Variants in KCNIP1 observed in about 807,000 individuals in gnomAD.
KCNIP1 encodes A-type potassium channel modulatory protein KCNIP1.
Under a neutral mutation model 33.0 loss-of-function variants are expected in KCNIP1, and 18 were observed. The observed-to-expected ratio is 0.55, with a 90% CI of 0.38 to 0.81. The LOEUF is 0.81. Among genes scored for constraint, KCNIP1 ranks in the 30% least tolerant of loss-of-function variants. KCNIP1 has a pLI of 0.00. For missense variants in KCNIP1, 238 were observed against 271.6 expected, an observed-to-expected ratio of 0.88 and a Z score of 0.87; for synonymous variants, 93 against 98.3, an observed-to-expected ratio of 0.95 and a Z score of 0.32.
chr5:170,530,352 CT>C (rs1755743392), intron 1 of KCNIP1, among the ~76,000 whole-genome samples: 1 of 152,188 alleles, frequency 6.6e-6, no homozygotes, highest in Admixed American at 6.5e-5. Context: ...GTAACTGCTC[CT>C]TTTAGTCCTC....
chr5:170,472,012 C>G (rs1175715187), intron 1 of KCNIP1, among the ~76,000 whole-genome samples: 1 of 152,134 alleles, frequency 6.6e-6, no homozygotes, highest in African/African-American at 2.4e-5. Flanking sequence ...CCTGCAGGAG[C>G]TGGGTTTGGG....
rs187186655 is a variant in KCNIP1, at chr5:170,457,374, C to G, written c.88+103410C>G. On this transcript the variant is annotated intron_variant, in intron 1 of 7. Coordinates refer to the KCNIP1 transcript ENST00000377360. The stretch of plus-strand genomic sequence containing the variant: ...ACGGAGAGGCCCTGGAGGGGCATAA[C>G]GACTGCAGGAATAAATTAGGAGAGC... 3.3e-5 allele frequency among the ~76,000 whole-genome samples: 5 copies of G among 152,234 alleles called. No homozygotes were observed. In the East Asian group the frequency reaches 9.6e-4, roughly 29 times the overall value.
intron 1 of KCNIP1, among the ~76,000 whole-genome samples, chr5:170,713,860 A>T (rs1184049649): frequency 5.3e-5 from 8 of 151,904 alleles, no homozygotes; most frequent in Non-Finnish European, 1.0e-4. Context: ...CGTTTCTACT[A>T]AAAATAAAAA....
At chr5:170,682,784 C>CTTTTTTTTTTTTTTTGTTTTT (rs1762397637) in intron 1 of KCNIP1, among the ~76,000 whole-genome samples, 1 of 71,404 alleles carries the variant, frequency 1.4e-5, no homozygotes, top group Non-Finnish European at 2.4e-5. Context: ...TTCTTTGTTT[C>CTTTTTTTTTTTTTTTGTTTTT]TTTTTTTTTT....
chr5:170,662,846 T>G (rs1411099890), intron 1 of KCNIP1, among the ~76,000 whole-genome samples: 2 of 152,218 alleles, frequency 1.3e-5, no homozygotes, highest in Non-Finnish European at 2.9e-5. Context: ...CCCTCACATA[T>G]TCTTCAAGAT....
At position 170,432,400 on chromosome 5, in the gene KCNIP1, A is replaced by G. The variant is rs377633544; in HGVS notation, c.88+78436A>G. ...TGGCACCTAACCTAATCCTTAGTTA[A>G]TTAATATTTATTGAGCAAATCATCT... On this transcript the variant is annotated intron_variant, in intron 1 of 7. Transcript: ENST00000377360. Among the ~76,000 whole-genome samples, 6 of 152,366 alleles carry G rather than the reference A, an allele frequency of 3.9e-5. No individual in the cohort carries two copies. The East Asian group carries it at 1.2e-3, about 29-fold the overall frequency.
At chr5:170,520,595 G>A (rs1352243175) in intron 1 of KCNIP1, among the ~76,000 whole-genome samples, 7 of 89,524 alleles carry the variant, frequency 7.8e-5, no homozygotes, top group Non-Finnish European at 2.0e-5. Context: ...AAACTTTAGG[G>A]GAATGCATTA....
chr5:170,573,193 C>T (rs890056487), intron 1 of KCNIP1, among the ~76,000 whole-genome samples: 1 of 152,212 alleles, frequency 6.6e-6, no homozygotes, highest in Non-Finnish European at 1.5e-5. Context: ...TACTACAAGG[C>T]TTCTGTGGAC....
intron 6 of KCNIP1, among the ~76,000 whole-genome samples, chr5:170,733,455 A>C (rs977158806): frequency 6.6e-6 from 1 of 152,246 alleles, no homozygotes; most frequent in Non-Finnish European, 1.5e-5. Flanking sequence ...GGGAAAAGAG[A>C]GTCCTCTCTG....
At chr5:170,536,585 C>G (rs959676863) in intron 1 of KCNIP1, among the ~76,000 whole-genome samples, 4 of 152,142 alleles carry the variant, frequency 2.6e-5, no homozygotes, top group African/African-American at 9.7e-5. Flanking sequence ...GTTACCAGCC[C>G]AGGTCTCAGT....
chr5:170,443,310 G>A (rs10516075), intron 1 of KCNIP1, among the ~76,000 whole-genome samples: 49,830 of 146,192 alleles, frequency 0.34, 8,472 homozygotes, highest in African/African-American at 0.41. Flanking sequence ...TTTATTACAC[G>A]TTCGGTGAAC....
chr5:170,671,784 G>T (rs1761933651), intron 1 of KCNIP1, among the ~76,000 whole-genome samples: 1 of 152,170 alleles, frequency 6.6e-6, no homozygotes, highest in Non-Finnish European at 1.5e-5. Flanking sequence ...GGCTCTTTCT[G>T]TACTACTACA....
At chr5:170,471,667 G>C (rs540354825) in intron 1 of KCNIP1, among the ~76,000 whole-genome samples, 1 of 152,270 alleles carries the variant, frequency 6.6e-6, no homozygotes, top group African/African-American at 2.4e-5. Flanking sequence ...AGCGGGCCAG[G>C]TGCTGAACTG....
At chr5:170,487,647 G>A (rs1338578035) in intron 1 of KCNIP1, among the ~76,000 whole-genome samples, 4 of 151,364 alleles carry the variant, frequency 2.6e-5, no homozygotes, top group East Asian at 1.9e-4. Flanking sequence ...TCAGCCCCTC[G>A]AGTAGCTGGA....
At chr5:170,614,997 C>T (rs1471709428) in intron 1 of KCNIP1, among the ~76,000 whole-genome samples, 1 of 152,178 alleles carries the variant, frequency 6.6e-6, no homozygotes, top group Non-Finnish European at 1.5e-5. Flanking sequence ...GGGTGAATCA[C>T]CTGAGGTCAG....
chr5:170,731,932 G>A (rs1157603534), intron 5 of KCNIP1, among the ~76,000 whole-genome samples: 1 of 136,970 alleles, frequency 7.3e-6, no homozygotes, highest in East Asian at 2.2e-4. Context: ...AATAAGCCCT[G>A]TAGTTTAGTT....
At chr5:170,624,311 G>A (rs1055017273) in intron 1 of KCNIP1, among the ~76,000 whole-genome samples, 3 of 152,154 alleles carry the variant, frequency 2.0e-5, no homozygotes, top group Admixed American at 6.5e-5. Context: ...AAAAGGAACA[G>A]TCTCTGATCT....
intron 1 of KCNIP1, among the ~76,000 whole-genome samples, chr5:170,370,426 T>C (rs1370309118): frequency 6.6e-6 from 1 of 152,172 alleles, no homozygotes; most frequent in South Asian, 2.1e-4. Context: ...CAAGGCAGAT[T>C]CAAACTCTTG....
upstream of KCNIP1, among the ~76,000 whole-genome samples, chr5:170,502,390 A>G (rs1162692030): frequency 6.6e-6 from 1 of 152,148 alleles, no homozygotes; most frequent in Non-Finnish European, 1.5e-5. Flanking sequence ...CCCTGAGGGG[A>G]CAGCTCATGG....
Sources: gnomAD v4.1 joint callset for allele counts (sites outside exome capture counted in the v4.1 genomes callset) on GRCh38, gnomAD v4.1.1 for gene constraint, MANE v1.5 for transcripts, NCBI Gene and HGNC (gene_info 2026-07-23, HGNC 2026-07-21) for gene names.